GRM1: variants seen among roughly 807,000 people sequenced by gnomAD.
GRM1 encodes the protein glutamate metabotropic receptor 1, also known as metabotropic glutamate receptor 1.
In GRM1, 33 loss-of-function variants were observed where a neutral mutation model predicts 90.9. That is an observed-to-expected ratio of 0.36 (90% confidence interval 0.28 to 0.49). The LOEUF (loss-of-function observed/expected upper bound fraction) is 0.49. Among genes scored for constraint, GRM1 ranks in the 20% least tolerant of loss-of-function variants. The pLI is 0.99. For synonymous variants in GRM1, 700 were observed against 613.2 expected, an observed-to-expected ratio of 1.14 and a Z score of -2.09; for missense variants, 1,190 against 1,534.3, an observed-to-expected ratio of 0.78 and a Z score of 3.75.
chr6:146,142,863 A>C (rs2128884611), intron 1 of GRM1, among the ~76,000 whole-genome samples: 1 of 152,210 alleles, frequency 6.6e-6, no homozygotes, highest in South Asian at 2.1e-4. Context: ...CGGTAACCCC[A>C]CGAGCCTGCT....
chr6:146,171,731 A>G (rs1778134257), intron 2 of GRM1: 2 of 295,154 alleles, frequency 6.8e-6, no homozygotes, highest in African/African-American at 2.3e-5. Context: ...CCATAAAAGC[A>G]ATCAGATACC....
At chr6:146,096,899 G>T (rs1252841481) in intron 1 of GRM1, among the ~76,000 whole-genome samples, 2 of 152,008 alleles carry the variant, frequency 1.3e-5, no homozygotes, top group Non-Finnish European at 2.9e-5. Flanking sequence ...GATGATATTT[G>T]GTCTGAAAAC....
intron 1 of GRM1, 73 bp from the exon 2 acceptor site, chr6:146,159,275 A>G: frequency 6.3e-7 from 1 of 1,588,056 alleles, no homozygotes; most frequent in Non-Finnish European, 8.6e-7. Flanking sequence ...GTGACTAACA[A>G]GTTGTTATTC....
intron 2 of GRM1, among the ~76,000 whole-genome samples, chr6:146,238,476 A>G (rs943700427): frequency 1.3e-4 from 20 of 152,166 alleles, no homozygotes; most frequent in Non-Finnish European, 2.9e-5. Context: ...AGAGGTGGAC[A>G]TGTGATATGA....
intron 2 of GRM1, among the ~76,000 whole-genome samples, chr6:146,211,085 C>T (rs1479430829): frequency 6.6e-6 from 1 of 151,372 alleles, no homozygotes; most frequent in Non-Finnish European, 1.5e-5. Flanking sequence ...AGTTATTCAA[C>T]TTCTGTCAGT....
intron 2 of GRM1, among the ~76,000 whole-genome samples, chr6:146,166,689 A>T (rs1266347414): frequency 2.0e-5 from 3 of 152,096 alleles, no homozygotes; most frequent in African/African-American, 7.2e-5. Flanking sequence ...ACATAACTCA[A>T]GGTTATGAGT....
At chr6:146,321,907 A>T (rs982492201) in intron 3 of GRM1, among the ~76,000 whole-genome samples, 2 of 151,372 alleles carry the variant, frequency 1.3e-5, no homozygotes, top group African/African-American at 2.4e-5. Flanking sequence ...ATGGGTCTTG[A>T]CTCTTTATCC....
At chr6:146,146,955 C>G (rs185505045) in intron 1 of GRM1, among the ~76,000 whole-genome samples, 1 of 152,206 alleles carries the variant, frequency 6.6e-6, no homozygotes, top group Admixed American at 6.5e-5. Flanking sequence ...GCTGCTACAC[C>G]TCCAGGCTCA....
chr6:146,404,901 C>A (rs1483169993), intron 7 of GRM1, among the ~76,000 whole-genome samples: 1 of 152,082 alleles, frequency 6.6e-6, no homozygotes, highest in African/African-American at 2.4e-5. Flanking sequence ...AATCCAATAA[C>A]AGGTAAAAAT....
At chr6:146,087,828 T>C (rs1048354017) in intron 1 of GRM1, among the ~76,000 whole-genome samples, 8 of 152,188 alleles carry the variant, frequency 5.3e-5, no homozygotes, top group Non-Finnish European at 1.2e-4. Context: ...ACAGTTTGTC[T>C]TAACCATTCC....
intron 1 of GRM1, among the ~76,000 whole-genome samples, chr6:146,148,296 AAAC>A (rs60485222): frequency 0.043 from 6,551 of 152,250 alleles, 174 homozygotes; most frequent in Admixed American, 0.06. Context: ...AAAAATATAA[AAAC>A]ACAATTACAT....
chr6:146,056,597 C>T (rs979632406), intron 1 of GRM1, among the ~76,000 whole-genome samples: 1 of 152,056 alleles, frequency 6.6e-6, no homozygotes, highest in African/African-American at 2.4e-5. Context: ...TTCGGCATGT[C>T]ACGCTTTTAC....
At position 146,030,147 on chromosome 6, in the gene GRM1, G is replaced by A; in HGVS notation, c.630G>A (p.Leu210=). 2 of 1,614,104 alleles carry A rather than the reference G, an allele frequency of 1.2e-6. No homozygotes were observed. Among genetic ancestry groups the A allele is most frequent in the South Asian group, 2.2e-5 (2 of 91,082 alleles). The change falls in exon 1 of 8, where the codon TTG becomes TTA. Residue 210 remains leucine (L), a synonymous_variant. Coordinates refer to ENST00000282753, the MANE Select transcript of GRM1 (RefSeq NM_001278064.2). ...TGAGGGTTGTCCCTTCTGACACTTT[G>A]CAGGCAAGGGCCATGCTTGACATAG... The part of the protein sequence containing the change: ...YFLRVVPSDT[L]QARAMLDIVK...
At chr6:146,397,846 G>T (rs1218624851) in intron 6 of GRM1, among the ~76,000 whole-genome samples, 1 of 152,180 alleles carries the variant, frequency 6.6e-6, no homozygotes, top group Non-Finnish European at 1.5e-5. Context: ...ACTGGTTCTG[G>T]TGGTTCCTTG....
chr6:146,141,995 A>C (rs1776895579), intron 1 of GRM1, among the ~76,000 whole-genome samples: 1 of 152,204 alleles, frequency 6.6e-6, no homozygotes, highest in Non-Finnish European at 1.5e-5. Context: ...TATAGTCTTC[A>C]AGGTCTTGGC....
chr6:146,330,932 C>T lies in GRM1; in HGVS notation c.1187-21318C>T, dbSNP rs368291965. ...GGTGTTGGGGCATACTCACATGATT[C>T]TATAACTAACAGGAACTAATCATAT... is the stretch of plus-strand genomic sequence containing the variant. On this transcript the variant is annotated intron_variant, in intron 3 of 7. Transcript: ENST00000282753. Among the ~76,000 whole-genome samples, 62 of 152,256 alleles carry T rather than the reference C, an allele frequency of 4.1e-4. 1 individual carries two copies. The highest frequency in any genetic ancestry group is 1.4e-3 in the African/African-American group (59 of 41,562).
chr6:146,085,284 A>G (rs2128865140), intron 1 of GRM1, among the ~76,000 whole-genome samples: 1 of 152,254 alleles, frequency 6.6e-6, no homozygotes, highest in East Asian at 1.9e-4. Context: ...CTGGGAGAAT[A>G]ATTTAAGGGT....
intron 1 of GRM1, among the ~76,000 whole-genome samples, chr6:146,138,620 T>G (rs1417737052): frequency 2.6e-5 from 4 of 152,104 alleles, no homozygotes; most frequent in African/African-American, 9.6e-5. Flanking sequence ...TGTATGTGTC[T>G]AGGAATTTAT....
intron 1 of GRM1, among the ~76,000 whole-genome samples, chr6:146,059,555 C>T (rs1359072615): frequency 6.6e-6 from 1 of 152,140 alleles, no homozygotes; most frequent in Admixed American, 6.6e-5. Flanking sequence ...TTAAAGTCAA[C>T]AGTTGCATTA....
Sources: allele counts gnomAD v4.1 joint callset (sites outside exome capture counted in the v4.1 genomes callset), GRCh38; gene constraint gnomAD v4.1.1; transcripts MANE v1.5; gene names NCBI Gene and HGNC (gene_info 2026-07-23, HGNC 2026-07-21).